The following SLC27A6 variants were observed in gnomAD, a reference collection of about 807,000 sequenced individuals.
SLC27A6 encodes solute carrier family 27 member 6, also known as long-chain fatty acid transport protein 6.
SLC27A6 carries 74 observed loss-of-function variants against 63.9 expected under a neutral mutation model. The observed-to-expected ratio is 1.16, with a 90% CI of 0.96 to 1.40. The LOEUF is 1.40. Ranked by LOEUF, SLC27A6 falls within the 40% of genes most tolerant of loss-of-function variation. The pLI, the probability that SLC27A6 is intolerant of heterozygous loss-of-function variation, is 0.00. For missense variants in SLC27A6, 794 were observed against 732.9 expected (o/e 1.08, Z -0.96); for synonymous variants, 287 against 260.8 (o/e 1.10, Z -0.97).
At chr5:129,003,677 A>G (rs1056334630) in intron 4 of SLC27A6, among the ~76,000 whole-genome samples, 1 of 152,128 alleles carries the variant, frequency 6.6e-6, no homozygotes, top group African/African-American at 2.4e-5. Context: ...TCTCTACAAA[A>G]GTAAAAAATT....
rs779113511 is a variant in SLC27A6 at position 128,966,534 on chromosome 5, G to T, written c.397G>T (p.Ala133Ser). ...CCTCGCCAAGCTGGGCTGCGTGGTG[G>T]CCTTTCTCAACACCAACATTCGCTC... is the stretch of plus-strand genomic sequence containing the variant. ...FGLAKLGCVV[A>S]FLNTNIRSNS... Residue 133 changes from alanine (A) to serine (S), a missense_variant, in exon 1 of 10, where the codon GCC becomes TCC. By Grantham distance (99) the Ala-to-Ser change is moderately conservative (BLOSUM62 1). Coordinates refer to ENST00000262462, the MANE Select transcript of SLC27A6 (RefSeq NM_001017372.3). The T allele has an allele frequency of 3.8e-6, 6 of 1,592,870 alleles. No individual in the cohort carries two copies. Among genetic ancestry groups the T allele is most frequent in the Admixed American group, 1.8e-5 (1 of 56,596 alleles).
intron 5 of SLC27A6, among the ~76,000 whole-genome samples, chr5:129,017,048 A>G (rs1751920761): frequency 6.6e-6 from 1 of 152,246 alleles, no homozygotes; most frequent in African/African-American, 2.4e-5. Flanking sequence ...CAAAACTGGT[A>G]TAGCTGCAAG....
intron 4 of SLC27A6, among the ~76,000 whole-genome samples, chr5:129,012,630 A>G (rs188994085): frequency 6.6e-6 from 1 of 152,188 alleles, no homozygotes; most frequent in Non-Finnish European, 1.5e-5. Flanking sequence ...TGTTAGGTAA[A>G]TAGAAATTTA....
At chr5:128,972,797 G>A (rs1371125412) in intron 1 of SLC27A6, among the ~76,000 whole-genome samples, 1 of 152,186 alleles carries the variant, frequency 6.6e-6, no homozygotes, top group Non-Finnish European at 1.5e-5. Flanking sequence ...TCTCCATCCA[G>A]TTTTGTTCCA....
intron 4 of SLC27A6, among the ~76,000 whole-genome samples, chr5:129,009,374 C>T (rs1580734175): frequency 6.6e-6 from 1 of 152,140 alleles, no homozygotes; most frequent in Non-Finnish European, 1.5e-5. Context: ...TTTTAACTGT[C>T]GTCTACCTGG....
At position 129,023,673 on chromosome 5, in the gene SLC27A6, G is replaced by A; in HGVS notation, c.1218G>A (p.Met406Ile). ...IKYDFQKDEP[M>I]RNEQGWCIHV... The stretch of plus-strand genomic sequence containing the variant: ...ATGACTTTCAGAAAGATGAACCCAT[G>A]AGAAATGAGCAGGGTTGGTGTATTC... Residue 406 changes from methionine (M) to isoleucine (I), a missense_variant, in exon 6 of 10, where the codon ATG becomes ATA. Physicochemically the swap from Met to Ile is conservative, Grantham distance 10. Coordinates refer to ENST00000262462, the MANE Select transcript of SLC27A6 (RefSeq NM_001017372.3). 1.2e-6 allele frequency: 2 copies of A among 1,610,346 alleles called. No individual in the cohort carries two copies. The highest frequency in any genetic ancestry group is 1.7e-6 in the Non-Finnish European group (2 of 1,178,476).
At chr5:128,974,965 T>A (rs115203348) in intron 1 of SLC27A6, among the ~76,000 whole-genome samples, 4 of 152,320 alleles carry the variant, frequency 2.6e-5, no homozygotes, top group Admixed American at 6.5e-5. Context: ...TAATAAGGGA[T>A]CTCATTTGGA....
chr5:128,975,821 A>G (rs1458591386), intron 1 of SLC27A6, among the ~76,000 whole-genome samples: 2 of 152,170 alleles, frequency 1.3e-5, no homozygotes, highest in East Asian at 3.9e-4. Context: ...TTCAAGCATC[A>G]TTCCCTTTCA....
chr5:128,990,629 G>T (rs576887183), intron 4 of SLC27A6, among the ~76,000 whole-genome samples, 165 bp downstream of exon 4: 1 of 152,246 alleles, frequency 6.6e-6, no homozygotes, highest in Non-Finnish European at 1.5e-5. Context: ...GTGGCGGGCA[G>T]CTCCCAAGAT....
At chr5:128,991,429 A>G (rs1273635335) in intron 4 of SLC27A6, among the ~76,000 whole-genome samples, 1 of 152,238 alleles carries the variant, frequency 6.6e-6, no homozygotes, top group Non-Finnish European at 1.5e-5. Flanking sequence ...AAATAAACAG[A>G]GAGCTATCCA....
chr5:129,004,424 ACT>A (rs1458901589), intron 4 of SLC27A6, among the ~76,000 whole-genome samples: 2 of 146,028 alleles, frequency 1.4e-5, no homozygotes, highest in Non-Finnish European at 3.0e-5. Context: ...TCTCACTTTC[ACT>A]CTCTGTCTTT....
chr5:129,020,028 A>T (rs911411481), intron 5 of SLC27A6, among the ~76,000 whole-genome samples: 1 of 152,146 alleles, frequency 6.6e-6, no homozygotes. Context: ...AAATTATGAA[A>T]CAAAAAGAAC....
intron 1 of SLC27A6, among the ~76,000 whole-genome samples, chr5:128,973,177 T>C (rs1301331835): frequency 2.0e-5 from 3 of 152,100 alleles, no homozygotes; most frequent in Non-Finnish European, 4.4e-5. Flanking sequence ...GTATGCAGTG[T>C]CAGTTGGCCC....
Position 129,027,338 on chromosome 5 carries a change from A to G in SLC27A6, c.1454+7A>G. On this transcript the variant is annotated splice_region_variant and intron_variant, in intron 7 of 9. Transcript: ENST00000262462. ...GTACTGGAGACACTTTCAGGTATGA[A>G]ATGTTATGGGATCCATAGCTTGTTC... 1 of 1,596,584 alleles carries G rather than the reference A, an allele frequency of 6.3e-7. No homozygotes were observed. Among genetic ancestry groups the G allele is most frequent in the Non-Finnish European group, 8.6e-7 (1 of 1,165,476 alleles).
At chr5:128,990,315 T>G in intron 3 of SLC27A6, 25 bp from the exon 4 acceptor site, 3 of 1,605,384 alleles carry the variant, frequency 1.9e-6, no homozygotes, top group Non-Finnish European at 8.5e-7. Flanking sequence ...TTTTCCCTAG[T>G]GCCTGTTTTT....
intron 4 of SLC27A6, among the ~76,000 whole-genome samples, chr5:128,999,240 T>C (rs1264633105): frequency 1.3e-5 from 2 of 152,170 alleles, no homozygotes; most frequent in African/African-American, 4.8e-5. Context: ...ATATTGAATA[T>C]GCCAAAACTG....
chr5:128,981,519 T>A (rs1193918818), intron 1 of SLC27A6, among the ~76,000 whole-genome samples: 1 of 151,954 alleles, frequency 6.6e-6, no homozygotes, highest in Non-Finnish European at 1.5e-5. Context: ...TGTCTCATTT[T>A]CCTGCAGTAG....
intron 4 of SLC27A6, among the ~76,000 whole-genome samples, chr5:128,995,474 A>G (rs746584389): frequency 3.3e-5 from 5 of 152,240 alleles, no homozygotes; most frequent in Non-Finnish European, 5.9e-5. Context: ...GTAATTACAG[A>G]CAATGACAAA....
intron 8 of SLC27A6, among the ~76,000 whole-genome samples, chr5:129,029,276 A>G (rs895365273): frequency 4.6e-5 from 7 of 152,016 alleles, no homozygotes; most frequent in Non-Finnish European, 1.0e-4. Context: ...TTCTTTCTTA[A>G]TATTTGTTTT....
Sources: allele counts gnomAD v4.1 joint callset (sites outside exome capture counted in the v4.1 genomes callset), GRCh38; gene constraint gnomAD v4.1.1; transcripts MANE v1.5; gene names NCBI Gene and HGNC (gene_info 2026-07-23, HGNC 2026-07-21).